PARD3: variants seen among roughly 807,000 people sequenced by gnomAD.
PARD3 encodes the protein par-3 family cell polarity regulator.
A neutral mutation model predicts 155.4 loss-of-function variants in PARD3; 75 were observed. The ratio of observed to expected loss-of-function variants is 0.48; its 90% CI spans 0.40 to 0.58. The LOEUF is 0.58. PARD3 is among the 20% of genes least tolerant of loss of function. The probability of loss-of-function intolerance (pLI) is 0.00; values close to 1 mark genes in which losing one functional copy is unlikely to be tolerated. For missense variants in PARD3, 1,642 were observed against 1,721.7 expected, an observed-to-expected ratio of 0.95 and a Z score of 0.82; for synonymous variants, 576 against 610.5, an observed-to-expected ratio of 0.94 and a Z score of 0.83.
chr10:34,272,467 T>C (rs1955665217), intron 21 of PARD3, among the ~76,000 whole-genome samples: 1 of 152,142 alleles, frequency 6.6e-6, no homozygotes, highest in African/African-American at 2.4e-5. Context: ...TCTCGGCTCA[T>C]ACCTGTAATC....
intron 2 of PARD3, among the ~76,000 whole-genome samples, chr10:34,588,302 G>C (rs1246225153): frequency 1.3e-5 from 2 of 152,214 alleles, no homozygotes; most frequent in Non-Finnish European, 2.9e-5. Context: ...GCTCAGGTGA[G>C]AGAAAACTGA....
At chr10:34,394,313 A>C (rs1324599182) in intron 7 of PARD3, among the ~76,000 whole-genome samples, 1 of 152,130 alleles carries the variant, frequency 6.6e-6, no homozygotes, top group Non-Finnish European at 1.5e-5. Flanking sequence ...GGCATGAGCC[A>C]CCATGCCCGG....
intron 20 of PARD3, chr10:34,312,485 A>G: frequency 9.3e-7 from 1 of 1,076,314 alleles, no homozygotes; most frequent in Non-Finnish European, 1.4e-6. Flanking sequence ...TATAATCCAA[A>G]CTACGACATT....
chr10:34,241,321 G>T (rs1415140742), intron 22 of PARD3, among the ~76,000 whole-genome samples: 1 of 152,144 alleles, frequency 6.6e-6, no homozygotes, highest in Non-Finnish European at 1.5e-5. Flanking sequence ...AGCAGCCTAG[G>T]ACTCTACATT....
At chr10:34,801,035 A>T (rs1232449216) in intron 1 of PARD3, among the ~76,000 whole-genome samples, 1 of 152,224 alleles carries the variant, frequency 6.6e-6, no homozygotes, top group African/African-American at 2.4e-5. Context: ...TCTCCGAATT[A>T]TTTCTCTGCA....
chr10:34,359,100 T>C (rs376437944), intron 14 of PARD3, 47 bp downstream of exon 14: 49 of 1,479,074 alleles, frequency 3.3e-5, no homozygotes, highest in African/African-American at 2.8e-5. Context: ...GACAGAAATG[T>C]AGTTTATTTA....
intron 2 of PARD3, among the ~76,000 whole-genome samples, chr10:34,606,145 T>C (rs2090400682): frequency 6.8e-6 from 1 of 146,484 alleles, no homozygotes. Context: ...ACTATACATA[T>C]ATAAAGGGAA....
intron 3 of PARD3, among the ~76,000 whole-genome samples, chr10:34,509,028 TCTCTTTCCTGTA>T (rs1197230695): frequency 6.6e-6 from 1 of 152,194 alleles, no homozygotes; most frequent in Non-Finnish European, 1.5e-5. Context: ...ATGGTGTGAC[TCTCTTTCCTGTA>T]CTCTTTCTGA....
intron 22 of PARD3, among the ~76,000 whole-genome samples, chr10:34,189,842 G>A (rs2570329): frequency 0.22 from 33,230 of 152,046 alleles, 3,782 homozygotes; most frequent in Middle Eastern, 0.34. Flanking sequence ...TCCCTTTGAG[G>A]AAAACCACTG....
At chr10:34,204,690 T>A (rs1020145658) in intron 22 of PARD3, among the ~76,000 whole-genome samples, 5 of 152,044 alleles carry the variant, frequency 3.3e-5, no homozygotes, top group Non-Finnish European at 5.9e-5. Context: ...AAGGGTGTGC[T>A]TACGTTACAT....
intron 2 of PARD3, among the ~76,000 whole-genome samples, chr10:34,689,568 A>G (rs1457406114): frequency 1.3e-5 from 2 of 152,220 alleles, no homozygotes; most frequent in African/African-American, 2.4e-5. Context: ...ACTGATTTCA[A>G]TCAACATGAT....
At chr10:34,485,365 A>C (rs2079384873) in intron 3 of PARD3, among the ~76,000 whole-genome samples, 1 of 152,000 alleles carries the variant, frequency 6.6e-6, no homozygotes, top group Non-Finnish European at 1.5e-5. Flanking sequence ...CATTTTTGCC[A>C]AGGTTAAAGA....
At chr10:34,709,012 G>A (rs985317246) in intron 1 of PARD3, among the ~76,000 whole-genome samples, 4 of 151,960 alleles carry the variant, frequency 2.6e-5, no homozygotes, top group African/African-American at 9.7e-5. Flanking sequence ...AAATACACAC[G>A]TACACATATA....
intron 1 of PARD3, among the ~76,000 whole-genome samples, chr10:34,782,046 T>G (rs1303135080): frequency 6.6e-6 from 1 of 152,244 alleles, no homozygotes; most frequent in African/African-American, 2.4e-5. Flanking sequence ...TTTAGATATT[T>G]TTAACTTGTA....
chr10:34,235,794 T>C, intron 22 of PARD3, among the ~76,000 whole-genome samples: 1 of 152,210 alleles, frequency 6.6e-6, no homozygotes, highest in East Asian at 1.9e-4. Flanking sequence ...GTCTTTTATA[T>C]TTTACATTGT....
intron 20 of PARD3, among the ~76,000 whole-genome samples, chr10:34,295,505 G>C (rs940119358): frequency 6.6e-6 from 1 of 152,186 alleles, no homozygotes; most frequent in Non-Finnish European, 1.5e-5. Context: ...TCACAAGCAA[G>C]GGTAAAGTTC....
At chr10:34,171,804 G>A (rs1239277353) in intron 22 of PARD3, among the ~76,000 whole-genome samples, 1 of 151,760 alleles carries the variant, frequency 6.6e-6, no homozygotes, top group East Asian at 1.9e-4. Context: ...ATAAAAATAA[G>A]CCAGGTGTGG....
At chr10:34,381,972 G>GA (rs1375874524) in intron 9 of PARD3, among the ~76,000 whole-genome samples, 1 of 109,552 alleles carries the variant, frequency 9.1e-6, no homozygotes, top group East Asian at 2.6e-4. Context: ...GAAAAGAAAA[G>GA]AAAAAAAAGA....
chr10:34,209,445 A>C (rs7086000), intron 22 of PARD3, among the ~76,000 whole-genome samples: 31,247 of 152,198 alleles, frequency 0.21, 3,365 homozygotes, highest in Middle Eastern at 0.31. Context: ...TGCTTCAAGA[A>C]GCCAAGTATA....
Sources: gnomAD v4.1 joint callset for allele counts (sites outside exome capture counted in the v4.1 genomes callset) on GRCh38, gnomAD v4.1.1 for gene constraint, MANE v1.5 for transcripts, NCBI Gene and HGNC (gene_info 2026-07-23, HGNC 2026-07-21) for gene names.